DDX10: variants seen among roughly 807,000 people sequenced by gnomAD.
DDX10 encodes probable ATP-dependent RNA helicase DDX10.
A neutral mutation model predicts 104.3 loss-of-function variants in DDX10; 74 were observed. The observed-to-expected ratio is 0.71, with a 90% CI of 0.59 to 0.86. The LOEUF is 0.86. DDX10 is among the 40% of genes least tolerant of loss of function. DDX10 has a pLI of 0.00. For synonymous variants in DDX10, 351 were observed against 353.4 expected, an observed-to-expected ratio of 0.99 and a Z score of 0.08; for missense variants, 952 against 1,040.0, an observed-to-expected ratio of 0.92 and a Z score of 1.16.
chr11:108,778,771 G>A (rs1293757257), intron 13 of DDX10, among the ~76,000 whole-genome samples: 1 of 152,200 alleles, frequency 6.6e-6, no homozygotes, highest in East Asian at 1.9e-4. Context: ...TACAGAATGG[G>A]AGAAAGTTTT....
intron 13 of DDX10, among the ~76,000 whole-genome samples, chr11:108,821,464 T>G (rs1461705999): frequency 2.0e-5 from 3 of 152,220 alleles, no homozygotes; most frequent in Admixed American, 6.5e-5. Flanking sequence ...GTGTGATGAT[T>G]TACTAAAGAA....
intron 13 of DDX10, among the ~76,000 whole-genome samples, chr11:108,829,102 A>G (rs1862436363): frequency 6.6e-6 from 1 of 152,200 alleles, no homozygotes; most frequent in Non-Finnish European, 1.5e-5. Flanking sequence ...CTCTGGGTAG[A>G]TACCTAATAG....
intron 9 of DDX10, among the ~76,000 whole-genome samples, chr11:108,695,594 T>G (rs558953639): frequency 6.6e-6 from 1 of 152,360 alleles, no homozygotes; most frequent in South Asian, 2.1e-4. Flanking sequence ...ATTTATATTT[T>G]TTGGGTAGCT....
intron 13 of DDX10, among the ~76,000 whole-genome samples, chr11:108,826,973 T>G (rs982781497): frequency 2.0e-5 from 3 of 152,230 alleles, no homozygotes; most frequent in Non-Finnish European, 4.4e-5. Context: ...ATTATGATGC[T>G]ACAATCTTCT....
At chr11:108,857,894 T>C (rs1183354646) in intron 16 of DDX10, among the ~76,000 whole-genome samples, 1 of 152,210 alleles carries the variant, frequency 6.6e-6, no homozygotes, top group East Asian at 1.9e-4. Flanking sequence ...TTGCTTTCCT[T>C]ATCCACAATT....
intron 16 of DDX10, among the ~76,000 whole-genome samples, chr11:108,917,367 A>C (rs1370077678): frequency 6.6e-6 from 1 of 152,074 alleles, no homozygotes; most frequent in Admixed American, 6.6e-5. Flanking sequence ...TGTGGACAGG[A>C]TCACTAAAAC....
chr11:108,887,045 A>G (rs1863304773), intron 16 of DDX10, among the ~76,000 whole-genome samples: 1 of 152,190 alleles, frequency 6.6e-6, no homozygotes, highest in East Asian at 1.9e-4. Flanking sequence ...GGAAAATGGT[A>G]TATTATATGA....
At chr11:108,922,749 A>C (rs1425798) in intron 17 of DDX10, among the ~76,000 whole-genome samples, 290 of 152,384 alleles carry the variant, frequency 1.9e-3, no homozygotes, top group African/African-American at 6.7e-3. Flanking sequence ...AGCATGACTA[A>C]AAGAGAACTT....
At chr11:108,800,157 A>G (rs1861998759) in intron 13 of DDX10, among the ~76,000 whole-genome samples, 1 of 151,750 alleles carries the variant, frequency 6.6e-6, no homozygotes, top group Non-Finnish European at 1.5e-5. Flanking sequence ...TAAAATGAAC[A>G]TCTTGACCGA....
chr11:108,794,700 C>T (rs903894563), intron 13 of DDX10, among the ~76,000 whole-genome samples: 2 of 152,060 alleles, frequency 1.3e-5, no homozygotes, highest in Non-Finnish European at 2.9e-5. Context: ...ACCAACTTTT[C>T]TTTCCTGGCA....
chr11:108,690,750 T>C (rs752770598), intron 7 of DDX10: 3 of 231,316 alleles, frequency 1.3e-5, no homozygotes, highest in African/African-American at 2.3e-5. Flanking sequence ...GACTCCTTGA[T>C]GGGCAGGAGA....
intron 13 of DDX10, among the ~76,000 whole-genome samples, chr11:108,741,728 A>C (rs1204942974): frequency 6.6e-6 from 1 of 152,120 alleles, no homozygotes; most frequent in Non-Finnish European, 1.5e-5. Flanking sequence ...CTAGGTGTAG[A>C]ATCATGTCAT....
intron 13 of DDX10, among the ~76,000 whole-genome samples, chr11:108,798,114 G>A (rs1861971204): frequency 6.6e-6 from 1 of 152,014 alleles, no homozygotes; most frequent in African/African-American, 2.4e-5. Context: ...TCCTTAATCA[G>A]CATTTTGATT....
intron 13 of DDX10, among the ~76,000 whole-genome samples, chr11:108,776,682 C>T (rs2094370314): frequency 6.6e-6 from 1 of 152,134 alleles, no homozygotes; most frequent in African/African-American, 2.4e-5. Flanking sequence ...CCTTTAAAAA[C>T]TCCGAGGGTT....
chr11:108,823,772 A>G (rs561184133), intron 13 of DDX10, among the ~76,000 whole-genome samples: 3 of 152,248 alleles, frequency 2.0e-5, no homozygotes, highest in Admixed American at 6.5e-5. Flanking sequence ...AAGCCGCACT[A>G]ACCAGGCTGT....
chr11:108,696,838 T>C (rs2094260556), intron 9 of DDX10, among the ~76,000 whole-genome samples: 1 of 152,200 alleles, frequency 6.6e-6, no homozygotes, highest in South Asian at 2.1e-4. Context: ...GATTCATAAA[T>C]AGAATACATT....
intron 13 of DDX10, among the ~76,000 whole-genome samples, chr11:108,724,558 C>T (rs1489106459): frequency 6.6e-6 from 1 of 152,048 alleles, no homozygotes; most frequent in Non-Finnish European, 1.5e-5. Flanking sequence ...TCTCATCCTG[C>T]TTCAAATTAG....
Position 108,673,511 on chromosome 11 carries a change from CA to C in DDX10, c.238del (p.Thr80HisfsTer2), listed in dbSNP as rs1176416201. ...ITRFSDFPLS[K>X]KTLKGLQEAQ... ...CAAGATTTTCAGATTTTCCCTTGTCCAAAAAAACATTGAAAGGTAAGTATAT... is the reference window on the plus strand; with the variant it reads ...CAAGATTTTCAGATTTTCCCTTGTCCAAAAAACATTGAAAGGTAAGTATAT... On this transcript the variant is annotated frameshift_variant, in exon 2 of 18. Coordinates refer to ENST00000322536, the MANE Select transcript of DDX10 (RefSeq NM_004398.4). LOFTEE classifies it high-confidence loss of function. 1.3e-6 allele frequency: 2 copies of C among 1,594,560 alleles called. No homozygotes were observed. The highest frequency in any genetic ancestry group is 1.1e-5 in the South Asian group (1 of 90,030).
chr11:108,914,089 C>T (rs940458670), intron 16 of DDX10, among the ~76,000 whole-genome samples: 2 of 152,086 alleles, frequency 1.3e-5, no homozygotes, highest in African/African-American at 4.8e-5. Context: ...AGCATTTTAT[C>T]CATTTGAAAG....
Sources: allele counts gnomAD v4.1 joint callset (sites outside exome capture counted in the v4.1 genomes callset), GRCh38; gene constraint gnomAD v4.1.1; transcripts MANE v1.5; gene names NCBI Gene and HGNC (gene_info 2026-07-23, HGNC 2026-07-21).